FRYL: variants seen among roughly 807,000 people sequenced by gnomAD.
FRYL encodes the protein protein furry homolog-like.
FRYL carries 150 observed loss-of-function variants against 351.2 expected under a neutral mutation model. The ratio of observed to expected loss-of-function variants is 0.43; its 90% CI spans 0.37 to 0.49. The LOEUF (loss-of-function observed/expected upper bound fraction) is 0.49. Among genes scored for constraint, FRYL ranks in the 20% least tolerant of loss-of-function variants. The probability of loss-of-function intolerance (pLI) is 0.00; values close to 1 mark genes in which losing one functional copy is unlikely to be tolerated. For synonymous variants in FRYL, 1,153 were observed against 1,257.1 expected, an observed-to-expected ratio of 0.92 and a Z score of 1.75; for missense variants, 3,036 against 3,619.3, an observed-to-expected ratio of 0.84 and a Z score of 4.13.
intron 1 of FRYL, among the ~76,000 whole-genome samples, chr4:48,776,356 A>G (rs2109439188): frequency 6.6e-6 from 1 of 152,316 alleles, no homozygotes; most frequent in Middle Eastern, 3.4e-3. Context: ...AAACTTTGAT[A>G]AGCAAAAACT....
intron 53 of FRYL, among the ~76,000 whole-genome samples, chr4:48,527,087 A>G (rs1726423486): frequency 1.3e-5 from 2 of 152,198 alleles, no homozygotes; most frequent in Admixed American, 1.3e-4. Flanking sequence ...TGTACATGAG[A>G]GTTGATGAAT....
intron 1 of FRYL, among the ~76,000 whole-genome samples, chr4:48,751,935 T>C (rs1384278490): frequency 2.0e-5 from 3 of 151,630 alleles, no homozygotes; most frequent in Non-Finnish European, 4.4e-5. Flanking sequence ...GAAGTAATCC[T>C]GAAAATCCCA....
At chr4:48,742,313 A>G (rs1348684255) in intron 1 of FRYL, among the ~76,000 whole-genome samples, 8 of 152,198 alleles carry the variant, frequency 5.3e-5, no homozygotes, top group Admixed American at 5.2e-4. Context: ...TACTTAACCA[A>G]TTAGCACATA....
intron 3 of FRYL, among the ~76,000 whole-genome samples, chr4:48,665,442 AAC>A (rs935427389): frequency 1.3e-4 from 20 of 152,372 alleles, no homozygotes; most frequent in African/African-American, 4.6e-4. Flanking sequence ...TACTTGAAAC[AAC>A]AGTTTTTGAA....
chr4:48,609,062 G>T lies in FRYL; in HGVS notation c.497C>A (p.Ser166Ter). 1 of 1,581,880 alleles carries T rather than the reference G, an allele frequency of 6.3e-7. No individual in the cohort carries two copies. The highest frequency in any genetic ancestry group is 8.7e-7 in the Non-Finnish European group (1 of 1,152,558). The change falls in exon 9 of 64, where the codon TCA becomes TAA. Residue 166 changes from serine (S) to a stop codon, truncating the protein, a stop_gained. Transcript: ENST00000358350. LOFTEE classifies it high-confidence loss of function. ...FKHFKHKEGYSGTNTGNVHII... is the reference protein window; with the variant it reads ...FKHFKHKEGY ...ATGCACATTCCCAGTGTTGGTTCCT[G>T]AATATCTAAAATAACAAAAGAACAA... is the stretch of plus-strand genomic sequence containing the variant.
intron 1 of FRYL, among the ~76,000 whole-genome samples, chr4:48,778,986 A>C (rs1333082569): frequency 1.5e-5 from 2 of 137,586 alleles, no homozygotes; most frequent in Non-Finnish European, 3.1e-5. Flanking sequence ...GCTCCTCACC[A>C]GCACACACCC....
rs541255637 is a variant in FRYL, at chr4:48,522,608, T to C, written c.7521+293A>G. ...GAATTAAATGGTGTTGGTGCTCACA[T>C]TGATACCAAAAATATGTTATCACTG... On this transcript the variant is annotated intron_variant, in intron 54 of 63. Transcript: ENST00000358350. Among the ~76,000 whole-genome samples the C allele has an allele frequency of 3.9e-5, 6 of 152,336 alleles. 1 individual carries two copies. In the South Asian group the frequency reaches 6.2e-4, roughly 16 times the overall value.
intron 1 of FRYL, among the ~76,000 whole-genome samples, chr4:48,764,312 T>C (rs537132544): frequency 6.6e-6 from 1 of 152,232 alleles, no homozygotes; most frequent in African/African-American, 2.4e-5. Flanking sequence ...GAGGACTGCT[T>C]GAGTCCAGGA....
At chr4:48,737,685 C>A (rs1771601607) in intron 1 of FRYL, among the ~76,000 whole-genome samples, 1 of 152,152 alleles carries the variant, frequency 6.6e-6, no homozygotes, top group East Asian at 1.9e-4. Context: ...AAACTACAGA[C>A]TAATATCGAT....
rs375826560 is a variant in FRYL, at chr4:48,553,203, C to CA, written c.4435+11dup. ...CATCTCACACAGCAATCGGTTTTAA[C>CA]AAATTTCTCACCTGAGGTGACAGAA... On this transcript the variant is annotated intron_variant, in intron 36 of 63. Coordinates refer to ENST00000358350, the MANE Select transcript of FRYL (RefSeq NM_015030.2). 6 of 1,604,464 alleles carry CA rather than the reference C, an allele frequency of 3.7e-6. No homozygotes were observed. The African/African-American group carries it at 6.7e-5, about 18-fold the overall frequency.
chr4:48,691,687 A>G (rs543664069), intron 2 of FRYL, among the ~76,000 whole-genome samples: 1 of 152,272 alleles, frequency 6.6e-6, no homozygotes, highest in Non-Finnish European at 1.5e-5. Context: ...ATTTGCAACA[A>G]TTTCCCAAAA....
chr4:48,595,993 T>C lies in FRYL; in HGVS notation c.1043A>G (p.Asp348Gly). Reference sequence around the variant, plus strand: ...CAGTGCAACTCGAGACATTTTCGGATCTTTATTCTGTTTTAAAACAAAAGA... The same window carrying C: ...CAGTGCAACTCGAGACATTTTCGGACCTTTATTCTGTTTTAAAACAAAAGA... ...QNCLSHLKNKDPKMSRVALES... is the reference protein window; with the variant it reads ...QNCLSHLKNKGPKMSRVALES... Residue 348 changes from aspartate (D) to glycine (G), a missense_variant, in exon 14 of 64, where the codon GAT becomes GGT. Asp to Gly is a moderately conservative substitution (Grantham distance 94). Around this residue, in one of 7 missense-constraint regions of FRYL, gnomAD observed 457 missense variants for 566.6 expected, o/e 0.81. Transcript: ENST00000358350. 1 of 1,591,946 alleles carries C rather than the reference T, an allele frequency of 6.3e-7. No homozygotes were observed. Among genetic ancestry groups the C allele is most frequent in the Non-Finnish European group, 8.6e-7 (1 of 1,169,062 alleles).
intron 3 of FRYL, among the ~76,000 whole-genome samples, chr4:48,675,106 G>A (rs1226781454): frequency 6.6e-6 from 1 of 152,100 alleles, no homozygotes; most frequent in Non-Finnish European, 1.5e-5. Context: ...GGAGTGCAGT[G>A]GCGCAATCTC....
chr4:48,772,123 A>G (rs1226379097), intron 1 of FRYL, among the ~76,000 whole-genome samples: 1 of 152,266 alleles, frequency 6.6e-6, no homozygotes, highest in Non-Finnish European at 1.5e-5. Context: ...TAAGTAAGGT[A>G]TAAGTATTAA....
At position 48,576,211 on chromosome 4, in the gene FRYL, T is replaced by C. The variant is rs777327139; in HGVS notation, c.2540A>G (p.Asn847Ser). 8.7e-6 allele frequency: 14 copies of C among 1,601,070 alleles called. No individual in the cohort carries two copies. The highest frequency in any genetic ancestry group is 1.7e-4 in the Middle Eastern group (1 of 5,900). ...SPQVDINSPI[N>S]AKKVNTTTSS... ...TGTGGTGGTATTTACTTTCTTAGCA[T>C]TGATGGGGCTACTAAGGAAAAAAAA... is the stretch of plus-strand genomic sequence containing the variant. The change falls in exon 24 of 64, where the codon AAT becomes AGT. Residue 847 changes from asparagine to serine, a missense_variant. Asn to Ser is a conservative substitution (Grantham distance 46). Around this residue, in one of 7 missense-constraint regions of FRYL, gnomAD observed 492 missense variants for 551.5 expected, o/e 0.89. Coordinates refer to ENST00000358350, the MANE Select transcript of FRYL (RefSeq NM_015030.2).
At chr4:48,512,860 C>A (rs1188621973) in intron 56 of FRYL, among the ~76,000 whole-genome samples, 172 bp from the exon 57 acceptor site, 6 of 152,138 alleles carry the variant, frequency 3.9e-5, no homozygotes, top group East Asian at 1.9e-4. Flanking sequence ...TAAGTGAATT[C>A]CTGTTCTTTC....
intron 1 of FRYL, among the ~76,000 whole-genome samples, chr4:48,777,697 C>T (rs530268494): frequency 6.6e-6 from 1 of 152,138 alleles, no homozygotes; most frequent in Non-Finnish European, 1.5e-5. Context: ...TTGAGAAATT[C>T]TTTTATTGTT....
rs1317415629 is a variant in FRYL at position 48,540,374 on chromosome 4, C to T, written c.6274G>A (p.Val2092Met). ...KLISVSKHTL[V>M]DPSQLSGFPL... is the part of the protein sequence containing the mutation. ...TCACCTGACAATTGGGAAGGATCCA[C>T]CAATGTATGTTTGGAGACAGAAATG... The change falls in exon 46 of 64, where the codon GTG (valine) becomes ATG (methionine). Residue 2092 changes from valine (V) to methionine (M), a missense_variant. Physicochemically the swap from Val to Met is conservative, Grantham distance 21. Transcript: ENST00000358350. 1 of 1,613,510 alleles carries T rather than the reference C, an allele frequency of 6.2e-7. No individual in the cohort carries two copies. Among genetic ancestry groups the T allele is most frequent in the Non-Finnish European group, 8.5e-7 (1 of 1,179,620 alleles).
intron 7 of FRYL, among the ~76,000 whole-genome samples, chr4:48,612,495 C>CACGT (rs1748414776): frequency 1.5e-5 from 1 of 64,992 alleles, no homozygotes; most frequent in South Asian, 7.4e-4. Flanking sequence ...ACTGTGTGTG[C>CACGT]ACGTGTGTGT....
Sources: gnomAD v4.1 joint callset for allele counts (sites outside exome capture counted in the v4.1 genomes callset) on GRCh38, gnomAD v4.1.1 for gene constraint, gnomAD v4.1.1 regional missense constraint, MANE v1.5 for transcripts, NCBI Gene and HGNC (gene_info 2026-07-23, HGNC 2026-07-21) for gene names.